PTPRD: variants seen among roughly 807,000 people sequenced by gnomAD.
The protein encoded by PTPRD is receptor-type tyrosine-protein phosphatase delta.
In PTPRD, 34 loss-of-function variants were observed where a neutral mutation model predicts 214.5. The observed-to-expected ratio is 0.16, with a 90% CI of 0.12 to 0.21. PTPRD has a LOEUF of 0.21. Among genes scored for constraint, PTPRD ranks in the 10% least tolerant of loss-of-function variants. The pLI, the probability that PTPRD is intolerant of heterozygous loss-of-function variation, is 1.00. For missense variants in PTPRD, 2,545 were observed against 2,398.7 expected (o/e 1.06, Z -1.27); for synonymous variants, 1,128 against 845.7 (o/e 1.33, Z -5.79).
chr9:8,925,524 C>CA (rs34721755), intron 11 of PTPRD, among the ~76,000 whole-genome samples: 21,766 of 149,614 alleles, frequency 0.15, 1,783 homozygotes, highest in South Asian at 0.25. Context: ...AGAAAACAAA[C>CA]AAAAAAAACC....
intron 35 of PTPRD, among the ~76,000 whole-genome samples, chr9:8,423,420 G>C (rs970859070): frequency 1.8e-4 from 28 of 152,104 alleles, no homozygotes; most frequent in Admixed American, 1.6e-3. Context: ...TACAGTAACA[G>C]CTCCTATCTT....
chr9:9,811,274 G>A (rs1392942752), intron 5 of PTPRD, among the ~76,000 whole-genome samples: 1 of 152,170 alleles, frequency 6.6e-6, no homozygotes, highest in Non-Finnish European at 1.5e-5. Flanking sequence ...AAGGGTTCAG[G>A]AACGCAGTGA....
At chr9:8,496,201 C>CACAG (rs2097264479) in intron 26 of PTPRD, among the ~76,000 whole-genome samples, 1 of 142,608 alleles carries the variant, frequency 7.0e-6, no homozygotes. Context: ...CACACACACA[C>CACAG]ACACACACAA....
chr9:9,993,863 G>GTGAATCA (rs2096034684), intron 4 of PTPRD, among the ~76,000 whole-genome samples: 1 of 152,114 alleles, frequency 6.6e-6, no homozygotes, highest in South Asian at 2.1e-4. Context: ...TACAGACACA[G>GTGAATCA]TGAATCATGT....
At chr9:9,605,387 A>C (rs915614952) in intron 7 of PTPRD, among the ~76,000 whole-genome samples, 1 of 152,054 alleles carries the variant, frequency 6.6e-6, no homozygotes, top group Non-Finnish European at 1.5e-5. Context: ...AACTCCTTAA[A>C]TGAAGAAATA....
chr9:9,989,016 CAAAAAAAAAAAAA>C (rs397836899), intron 4 of PTPRD, among the ~76,000 whole-genome samples: 3 of 36,288 alleles, frequency 8.3e-5, no homozygotes, highest in Non-Finnish European at 1.7e-4. Context: ...TTTCACTGAC[CAAAAAAAAAAAAA>C]AAAAAAAAAA....
At chr9:9,941,861 G>C (rs1389627693) in intron 4 of PTPRD, among the ~76,000 whole-genome samples, 2 of 152,130 alleles carry the variant, frequency 1.3e-5, no homozygotes, top group Non-Finnish European at 2.9e-5. Context: ...ACAATTGATT[G>C]ATTTCCAGAA....
intron 5 of PTPRD, among the ~76,000 whole-genome samples, chr9:9,827,207 T>G (rs1249726534): frequency 5.9e-5 from 9 of 152,124 alleles, no homozygotes. Context: ...AAGTCAATCC[T>G]AAGCCAAAAG....
intron 2 of PTPRD, among the ~76,000 whole-genome samples, chr9:10,547,230 T>A (rs1169010881): frequency 6.6e-6 from 1 of 152,140 alleles, no homozygotes; most frequent in Non-Finnish European, 1.5e-5. Context: ...CACAAATTGT[T>A]CTCATTTTAC....
chr9:10,570,123 T>C (rs113736495), intron 2 of PTPRD, among the ~76,000 whole-genome samples: 2,622 of 152,290 alleles, frequency 0.017, 68 homozygotes, highest in African/African-American at 0.06. Context: ...TTAAGGAGAC[T>C]GTTCATGGGT....
chr9:8,953,688 G>T (rs1041531139), intron 11 of PTPRD, among the ~76,000 whole-genome samples: 6 of 151,912 alleles, frequency 3.9e-5, no homozygotes, highest in Non-Finnish European at 8.8e-5. Flanking sequence ...ATAGGCAAAA[G>T]ATATGAACAG....
rs150850451 is a variant in PTPRD, at chr9:9,325,416, C to A, written c.-203+72033G>T. Among the ~76,000 whole-genome samples the A allele has an allele frequency of 3.2e-3, 491 of 152,166 alleles. 3 individuals are homozygous for A. The highest frequency in any genetic ancestry group is 0.026 in the East Asian group (135 of 5,172). On this transcript the variant is annotated intron_variant, in intron 9 of 45. Coordinates refer to ENST00000381196, the MANE Select transcript of PTPRD (RefSeq NM_002839.4). Reference sequence around the variant, plus strand: ...TTGAAGAGGTCCTTCATATCCCTTGCAAGTTGGATTCCTAAGAATTTTATT... The same window carrying A: ...TTGAAGAGGTCCTTCATATCCCTTGAAAGTTGGATTCCTAAGAATTTTATT...
At chr9:9,826,860 A>G (rs1021073354) in intron 5 of PTPRD, among the ~76,000 whole-genome samples, 1 of 152,138 alleles carries the variant, frequency 6.6e-6, no homozygotes, top group South Asian at 2.1e-4. Context: ...TTATACACCA[A>G]TAACAGACAA....
chr9:9,191,437 C>A (rs945988178), intron 9 of PTPRD, among the ~76,000 whole-genome samples: 4 of 152,074 alleles, frequency 2.6e-5, no homozygotes, highest in Admixed American at 1.3e-4. Context: ...GCAAGAGGCA[C>A]CCCGCTAATG....
chr9:9,772,681 T>C (rs2098762203), intron 5 of PTPRD, among the ~76,000 whole-genome samples: 1 of 152,170 alleles, frequency 6.6e-6, no homozygotes, highest in Non-Finnish European at 1.5e-5. Flanking sequence ...TATCTGTCTA[T>C]ATAAAGTAAA....
chr9:8,832,637 T>C (rs1034299367), intron 11 of PTPRD, among the ~76,000 whole-genome samples: 4 of 152,044 alleles, frequency 2.6e-5, no homozygotes, highest in African/African-American at 4.8e-5. Context: ...GTTAACAAAG[T>C]GATTTTGATT....
chr9:10,005,201 A>T (rs1005226170), intron 4 of PTPRD, among the ~76,000 whole-genome samples: 2 of 152,120 alleles, frequency 1.3e-5, no homozygotes, highest in African/African-American at 4.8e-5. Context: ...GATAAGGCAC[A>T]AAGCTAACCT....
chr9:10,019,724 CAAT>C (rs2096805115), intron 4 of PTPRD, among the ~76,000 whole-genome samples: 1 of 140,610 alleles, frequency 7.1e-6, no homozygotes, highest in African/African-American at 2.5e-5. Context: ...GGGAATTGAA[CAAT>C]GAGAACACAC....
chr9:10,190,182 T>C (rs1410385171), intron 3 of PTPRD, among the ~76,000 whole-genome samples: 3 of 145,288 alleles, frequency 2.1e-5, no homozygotes, highest in East Asian at 4.2e-4. Context: ...GCCTGACCAA[T>C]ATGGTGAAAC....
Sources: gnomAD v4.1 joint callset for allele counts (sites outside exome capture counted in the v4.1 genomes callset) on GRCh38, gnomAD v4.1.1 for gene constraint, MANE v1.5 for transcripts, NCBI Gene and HGNC (gene_info 2026-07-23, HGNC 2026-07-21) for gene names.